Variants in COPS3 observed in about 807,000 individuals in gnomAD.
COPS3 encodes COP9 signalosome complex subunit 3.
A neutral mutation model predicts 58.2 loss-of-function variants in COPS3; 10 were observed. The observed-to-expected ratio is 0.17, with a 90% CI of 0.11 to 0.29. The LOEUF is 0.29. Among genes scored for constraint, COPS3 ranks in the 10% least tolerant of loss-of-function variants. COPS3 has a pLI of 1.00. For missense variants in COPS3, 333 were observed against 510.1 expected (o/e 0.65, Z 3.34); for synonymous variants, 187 against 181.7 (o/e 1.03, Z -0.24).
intron 8 of COPS3, among the ~76,000 whole-genome samples, chr17:17,258,416 A>T (rs1362705105): frequency 6.6e-6 from 1 of 152,238 alleles, no homozygotes; most frequent in Non-Finnish European, 1.5e-5. Context: ...CTCCTGCCTC[A>T]GCCTTCCAAG....
intron 9 of COPS3, among the ~76,000 whole-genome samples, chr17:17,250,421 A>AT (rs1318688736): frequency 4.6e-5 from 7 of 151,422 alleles, no homozygotes; most frequent in Admixed American, 1.3e-4. Flanking sequence ...TGCCCAGCTA[A>AT]TTTTTTTTAT....
intron 6 of COPS3, among the ~76,000 whole-genome samples, chr17:17,264,327 CTA>C (rs140725393): frequency 0.11 from 17,234 of 152,120 alleles, 1,210 homozygotes; most frequent in South Asian, 0.22. Flanking sequence ...AAATTGTGTA[CTA>C]TGTTTCATTA....
At chr17:17,266,284 T>A (rs2048219281) in intron 5 of COPS3, among the ~76,000 whole-genome samples, 1 of 152,162 alleles carries the variant, frequency 6.6e-6, no homozygotes, top group Non-Finnish European at 1.5e-5. Flanking sequence ...GCAAGCTACA[T>A]AAGAGTATGC....
intron 5 of COPS3, among the ~76,000 whole-genome samples, chr17:17,267,268 G>A (rs1303597137): frequency 2.0e-5 from 3 of 150,928 alleles, no homozygotes; most frequent in Non-Finnish European, 3.0e-5. Flanking sequence ...AACCCGGGAG[G>A]CGGAGCTTGC....
Position 17,267,813 on chromosome 17 carries a change from C to T in COPS3, c.441+72G>A, listed in dbSNP as rs1809545952. On this transcript the variant is annotated intron_variant, in intron 5 of 11. Transcript: ENST00000268717. ...CGCCAACTTGCCTGTGTTTATCAAACCCAATGTTGAGCAAGCCCATAAACA... is the reference window on the plus strand; with the variant it reads ...CGCCAACTTGCCTGTGTTTATCAAATCCAATGTTGAGCAAGCCCATAAACA... The T allele has an allele frequency of 2.7e-6, 4 of 1,499,866 alleles. No individual in the cohort carries two copies. In the East Asian group the frequency reaches 9.1e-5, roughly 34 times the overall value. The allele number at this position is 1,499,866 out of a possible 1,614,324, so 92.9% of individuals were successfully genotyped here. A position where few individuals can be genotyped will look rare whatever the true frequency, so the allele number is the denominator to read the frequency against.
At chr17:17,262,129 C>T in intron 6 of COPS3, 23 bp from the exon 7 acceptor site, 3 of 1,599,778 alleles carry the variant, frequency 1.9e-6, no homozygotes, top group Non-Finnish European at 2.6e-6. Context: ...AGAATGCTTG[C>T]TGTAAAGAGA....
In COPS3 at chr17:17,262,069, A is replaced by G; in HGVS notation, c.659T>C (p.Met220Thr). Residue 220 changes from methionine to threonine, a missense_variant, in exon 7 of 12, where the codon ATG (methionine) becomes ACG (threonine). Transcript: ENST00000268717. ...AATATACTTTTTATATGATTCCAAC[A>G]TGATATGACTGACCGCCATGGCAGG... Reference protein sequence around the residue: ...TTPAMAVSHIMLESYKKYILV... With the variant: ...TTPAMAVSHITLESYKKYILV... The G allele has an allele frequency of 6.2e-7, 1 of 1,611,268 alleles. No individual in the cohort carries two copies. Among genetic ancestry groups the G allele is most frequent in the Non-Finnish European group, 8.5e-7 (1 of 1,179,092 alleles).
intron 8 of COPS3, among the ~76,000 whole-genome samples, chr17:17,258,016 G>T (rs746549727): frequency 2.0e-5 from 3 of 151,968 alleles, no homozygotes; most frequent in Admixed American, 2.0e-4. Context: ...ATGTTTCCCC[G>T]TTCTTTTCAT....
intron 1 of COPS3, 145 bp downstream of exon 1, chr17:17,280,987 G>A (rs2048572627): frequency 4.9e-6 from 5 of 1,019,276 alleles, no homozygotes; most frequent in African/African-American, 1.6e-5. Flanking sequence ...ATCCTGCCCT[G>A]ATCTAAACGC....
chr17:17,271,045 G>C (rs754013035), intron 2 of COPS3, 37 bp from the exon 3 acceptor site: 1 of 1,390,748 alleles, frequency 7.2e-7, no homozygotes, highest in Non-Finnish European at 1.0e-6. Context: ...TACCCTGATA[G>C]TTCATGGGAT....
Position 17,281,182 on chromosome 17 carries a change from G to A in COPS3, c.5C>T (p.Ala2Val). 6.2e-7 allele frequency: 1 copy of A among 1,610,984 alleles called. No individual in the cohort carries two copies. The highest frequency in any genetic ancestry group is 8.5e-7 in the Non-Finnish European group (1 of 1,178,802). ...GTTCACGAACTGCTCCAGGGCAGAC[G>A]CCATGTTTTCCCCCGGGCGGCCCGA... M[A>V]SALEQFVNSV... The change falls in exon 1 of 12, where the codon GCG becomes GTG. Residue 2 changes from alanine to valine, a missense_variant. Coordinates refer to ENST00000268717, the MANE Select transcript of COPS3 (RefSeq NM_003653.4).
chr17:17,258,582 T>G (rs138571986), intron 8 of COPS3, among the ~76,000 whole-genome samples: 1 of 152,210 alleles, frequency 6.6e-6, no homozygotes, highest in Non-Finnish European at 1.5e-5. Flanking sequence ...CTTCAATTAC[T>G]AGTCACAAAC....
chr17:17,278,999 C>T (rs145710793), intron 1 of COPS3, among the ~76,000 whole-genome samples: 2 of 151,850 alleles, frequency 1.3e-5, no homozygotes, highest in African/African-American at 2.4e-5. Context: ...CTCAGCCTCC[C>T]GAGTAGCTGA....
rs1053880010 is a variant in COPS3, at chr17:17,247,167, G to A, written c.1219-16C>T. The stretch of plus-strand genomic sequence containing the variant: ...AGCCCATACTCTGTAAAGGTAAAGT[G>A]AAGTTATGTATTTATGTTTGCTTTT... On this transcript the variant is annotated splice_polypyrimidine_tract_variant and intron_variant, in intron 11 of 11. Coordinates refer to ENST00000268717, the MANE Select transcript of COPS3 (RefSeq NM_003653.4). The A allele has an allele frequency of 7.4e-6, 12 of 1,611,870 alleles. No individual in the cohort carries two copies. The East Asian group carries it at 2.5e-4, about 33-fold the overall frequency.
chr17:17,265,543 C>T (rs984656873), intron 5 of COPS3, among the ~76,000 whole-genome samples: 6 of 152,058 alleles, frequency 3.9e-5, no homozygotes, highest in East Asian at 1.9e-4. Flanking sequence ...GGATTACAGG[C>T]GTGCACCACC....
Position 17,281,235 on chromosome 17 carries a change from G to C in COPS3, c.-49C>G, listed in dbSNP as rs754196066. 11 of 1,582,464 alleles carry C rather than the reference G, an allele frequency of 7.0e-6. No individual in the cohort carries two copies. The highest frequency in any genetic ancestry group is 2.3e-5 in the East Asian group (1 of 43,972). ...GGCGAAGGCAGCACGCGCGGGAAAA[G>C]GCTGCCGCTCTGGGAGGAGGGGCCG... On this transcript the variant is annotated 5_prime_UTR_variant, in exon 1 of 12. Transcript: ENST00000268717.
At position 17,246,875 on chromosome 17, in the gene COPS3, G is replaced by T; in HGVS notation, c.*223C>A. ...AGATTTAATGCAGTAACAATAATCT[G>T]AGGATAAATAAATCCACGACAGACT... On this transcript the variant is annotated 3_prime_UTR_variant, in exon 12 of 12. Coordinates refer to ENST00000268717, the MANE Select transcript of COPS3 (RefSeq NM_003653.4). The T allele has an allele frequency of 3.6e-6, 2 of 558,392 alleles. No individual in the cohort carries two copies. Among genetic ancestry groups the T allele is most frequent in the Non-Finnish European group, 6.4e-6 (2 of 311,298 alleles). The allele number at this position is 558,392 out of a possible 1,614,324, so 34.6% of individuals were successfully genotyped here.
chr17:17,247,318 G>A (rs2047745321), intron 11 of COPS3, among the ~76,000 whole-genome samples, 162 bp downstream of exon 11: 1 of 152,152 alleles, frequency 6.6e-6, no homozygotes, highest in East Asian at 1.9e-4. Flanking sequence ...GTACTTCCAG[G>A]CCATCATTTG....
intron 9 of COPS3, among the ~76,000 whole-genome samples, chr17:17,254,106 C>G (rs2047908739): frequency 1.3e-5 from 2 of 151,964 alleles, no homozygotes; most frequent in Non-Finnish European, 2.9e-5. Context: ...AGTTCAAATC[C>G]AGCCTGGGCA....
Sources: allele counts gnomAD v4.1 joint callset (sites outside exome capture counted in the v4.1 genomes callset), GRCh38; gene constraint gnomAD v4.1.1; transcripts MANE v1.5; gene names NCBI Gene and HGNC (gene_info 2026-07-23, HGNC 2026-07-21).